ZDHHC21: variants seen among roughly 807,000 people sequenced by gnomAD.
ZDHHC21 encodes the protein palmitoyltransferase ZDHHC21.
A neutral mutation model predicts 34.6 loss-of-function variants in ZDHHC21; 15 were observed. The ratio of observed to expected loss-of-function variants is 0.43; its 90% CI spans 0.29 to 0.67. The LOEUF (loss-of-function observed/expected upper bound fraction) is 0.67. Ranked by LOEUF, ZDHHC21 falls within the 30% of genes least tolerant of loss-of-function variation. The pLI is 0.14. For synonymous variants in ZDHHC21, 142 were observed against 101.8 expected (o/e 1.40, Z -2.38); for missense variants, 344 against 327.7 (o/e 1.05, Z -0.38).
At chr9:14,664,005 G>A (rs1286375669) in intron 5 of ZDHHC21, among the ~76,000 whole-genome samples, 1 of 152,154 alleles carries the variant, frequency 6.6e-6, no homozygotes, top group Non-Finnish European at 1.5e-5. Context: ...GGGGGGAGGA[G>A]CCAAGATGGC....
At position 14,662,304 on chromosome 9, in the gene ZDHHC21, A is replaced by G. The variant is rs1391249126; in HGVS notation, c.276T>C (p.Cys92=). 6.8e-6 allele frequency: 11 copies of G among 1,610,078 alleles called. No homozygotes were observed. In the East Asian group the frequency reaches 2.5e-4, roughly 36 times the overall value. The change falls in exon 6 of 10, where the codon TGT becomes TGC. Residue 92 remains cysteine (C), a synonymous_variant. Transcript: ENST00000380916. ...TTGGTCTCATCAAATTACACTTGTT[A>G]CATAATTCCCAGAACTCCCTTTCTA... ...PHGEREFWEL[C]NKCNLMRPKR...
intron 8 of ZDHHC21, among the ~76,000 whole-genome samples, chr9:14,626,858 T>C (rs1457099128): frequency 2.0e-5 from 3 of 152,242 alleles, no homozygotes; most frequent in Non-Finnish European, 2.9e-5. Context: ...TTAAAAAAGC[T>C]ATAAAATCTT....
intron 7 of ZDHHC21, among the ~76,000 whole-genome samples, chr9:14,641,196 C>T (rs1170947593): frequency 6.6e-6 from 1 of 152,092 alleles, no homozygotes; most frequent in African/African-American, 2.4e-5. Context: ...TGAGTCACCA[C>T]CAGACTCAAG....
chr9:14,688,627 A>T (rs1266479950), intron 2 of ZDHHC21, among the ~76,000 whole-genome samples: 1 of 152,012 alleles, frequency 6.6e-6, no homozygotes, highest in Non-Finnish European at 1.5e-5. Flanking sequence ...TTTGGGAGGC[A>T]AAGGCGGGTG....
chr9:14,662,066 G>T, intron 6 of ZDHHC21, 149 bp downstream of exon 6: 1 of 507,426 alleles, frequency 2.0e-6, no homozygotes. Flanking sequence ...GGAGTTGACA[G>T]AACCATATAA....
chr9:14,593,405 G>A, the ZDHHC21 span, among the ~76,000 whole-genome samples: 8 of 152,066 alleles, frequency 5.3e-5, no homozygotes, highest in South Asian at 2.1e-4. Context: ...TAAAAGAGAC[G>A]AATTCCTAGA....
At chr9:14,674,708 T>C (rs1451921300) in intron 3 of ZDHHC21, among the ~76,000 whole-genome samples, 1 of 151,998 alleles carries the variant, frequency 6.6e-6, no homozygotes, top group African/African-American at 2.4e-5. Flanking sequence ...ACCCAGCAAC[T>C]TCCTGTGTAA....
rs1823796177 is a variant in ZDHHC21, at chr9:14,614,185, G to A, written c.*4781C>T. ...ACCATCTAGCCTTCTCTCCATCTTA[G>A]TAAGTTTGTGGATACTCACTACTCA... On this transcript the variant is annotated 3_prime_UTR_variant, in exon 10 of 10. Coordinates refer to ENST00000380916, the MANE Select transcript of ZDHHC21 (RefSeq NM_178566.6). 6.6e-6 allele frequency: 1 copy of A among 151,696 alleles called. No individual in the cohort carries two copies. The highest frequency in any genetic ancestry group is 2.4e-5 in the African/African-American group (1 of 41,382). The allele number at this position is 151,696 out of a possible 1,614,324, so 9.4% of individuals were successfully genotyped here.
intron 3 of ZDHHC21, among the ~76,000 whole-genome samples, chr9:14,675,245 A>T (rs936425748): frequency 6.6e-6 from 1 of 151,886 alleles, no homozygotes. Context: ...CTAAAAATAC[A>T]TCCATACTTT....
downstream of ZDHHC21, among the ~76,000 whole-genome samples, chr9:14,608,660 A>AT (rs374897042): frequency 0.014 from 2,020 of 147,400 alleles, 37 homozygotes; most frequent in African/African-American, 0.046. Flanking sequence ...GCTTAGATGT[A>AT]TTTTTTTTTT....
At chr9:14,681,353 G>A (rs1005641480) in intron 2 of ZDHHC21, among the ~76,000 whole-genome samples, 1 of 152,032 alleles carries the variant, frequency 6.6e-6, no homozygotes, top group African/African-American at 2.4e-5. Flanking sequence ...CTGAGTCACT[G>A]GCACTACAGC....
downstream of ZDHHC21, among the ~76,000 whole-genome samples, chr9:14,610,808 C>A (rs1271547727): frequency 6.6e-6 from 1 of 151,994 alleles, no homozygotes; most frequent in Admixed American, 6.6e-5. Flanking sequence ...TGAATCCAGC[C>A]ATCTGCGTCA....
At chr9:14,602,710 A>G in the ZDHHC21 span, among the ~76,000 whole-genome samples, 2 of 152,178 alleles carry the variant, frequency 1.3e-5, no homozygotes, top group Non-Finnish European at 2.9e-5. Flanking sequence ...GAAAAGAAAC[A>G]TACTCACAAC....
intron 7 of ZDHHC21, among the ~76,000 whole-genome samples, chr9:14,643,574 A>C (rs889230352): frequency 6.6e-5 from 10 of 152,222 alleles, no homozygotes; most frequent in African/African-American, 2.4e-4. Flanking sequence ...ATCCTATTTA[A>C]GAAATCTTTC....
At position 14,677,480 on chromosome 9, in the gene ZDHHC21, A is replaced by G. The variant is rs145812735; in HGVS notation, c.-46+2553T>C. 5 of 152,120 alleles carry G rather than the reference A, an allele frequency of 3.3e-5. No homozygotes were observed. In the East Asian group the frequency reaches 7.7e-4, roughly 24 times the overall value. The allele number at this position is 152,120 out of a possible 1,614,324, so 9.4% of individuals were successfully genotyped here. The stretch of plus-strand genomic sequence containing the variant: ...CTTATGGCTGAAGAGAAACTATTAC[A>G]CATCCTGAGCAACAACCAAACTGAA... On this transcript the variant is annotated intron_variant, in intron 3 of 9. Transcript: ENST00000380916.
chr9:14,596,467 G>C, the ZDHHC21 span, among the ~76,000 whole-genome samples: 1 of 152,208 alleles, frequency 6.6e-6, no homozygotes, highest in Non-Finnish European at 1.5e-5. Flanking sequence ...ATACCTACAT[G>C]CTGCTTGTGT....
chr9:14,634,581 C>T (rs1290278396), intron 8 of ZDHHC21, among the ~76,000 whole-genome samples: 1 of 152,184 alleles, frequency 6.6e-6, no homozygotes, highest in Non-Finnish European at 1.5e-5. Flanking sequence ...ATCACAGATA[C>T]CACTGATGCT....
intron 7 of ZDHHC21, among the ~76,000 whole-genome samples, chr9:14,643,231 G>A (rs994480125): frequency 1.3e-5 from 2 of 152,106 alleles, no homozygotes. Flanking sequence ...CTGGGCAACA[G>A]AGTGAGACTC....
At chr9:14,663,994 C>T (rs112992768) in intron 5 of ZDHHC21, among the ~76,000 whole-genome samples, 1 of 152,028 alleles carries the variant, frequency 6.6e-6, no homozygotes, top group Non-Finnish European at 1.5e-5. Context: ...ACTTTGAATT[C>T]GGGGGGAGGA....
Sources: gnomAD v4.1 joint callset for allele counts (sites outside exome capture counted in the v4.1 genomes callset) on GRCh38, gnomAD v4.1.1 for gene constraint, MANE v1.5 for transcripts, NCBI Gene and HGNC (gene_info 2026-07-23, HGNC 2026-07-21) for gene names.